The following ZFYVE9 variants were observed in gnomAD, a reference collection of about 807,000 sequenced individuals.
ZFYVE9 encodes the protein zinc finger FYVE domain-containing protein 9.
A neutral mutation model predicts 126.7 loss-of-function variants in ZFYVE9; 43 were observed. That is an observed-to-expected ratio of 0.34 (90% CI 0.27 to 0.44). The LOEUF is 0.44. ZFYVE9 is among the 20% of genes least tolerant of loss of function. The pLI, the probability that ZFYVE9 is intolerant of heterozygous loss-of-function variation, is 1.00. For missense variants in ZFYVE9, 1,476 were observed against 1,697.0 expected (o/e 0.87, Z 2.29); for synonymous variants, 521 against 597.4 (o/e 0.87, Z 1.87).
chr1:52,242,362 T>G (rs939250008), intron 4 of ZFYVE9, among the ~76,000 whole-genome samples: 8 of 152,160 alleles, frequency 5.3e-5, no homozygotes, highest in African/African-American at 1.7e-4. Flanking sequence ...ATGATTTCAT[T>G]TATGTCTTAT....
At chr1:52,316,967 G>C (rs570084936) in intron 13 of ZFYVE9, among the ~76,000 whole-genome samples, 1 of 152,154 alleles carries the variant, frequency 6.6e-6, no homozygotes, top group African/African-American at 2.4e-5. Context: ...ATAAATGTAA[G>C]ATGATTCAAA....
intron 4 of ZFYVE9, among the ~76,000 whole-genome samples, chr1:52,247,525 C>CT (rs774683097): frequency 1.3e-5 from 2 of 151,950 alleles, no homozygotes; most frequent in East Asian, 3.9e-4. Flanking sequence ...GAGACGGAGT[C>CT]TCGCTTCGTT....
chr1:52,301,273 T>C (rs1273940198), intron 12 of ZFYVE9, among the ~76,000 whole-genome samples: 1 of 150,630 alleles, frequency 6.6e-6, no homozygotes, highest in Non-Finnish European at 1.5e-5. Context: ...TTTCTTAACG[T>C]TGTTTTTCTT....
intron 16 of ZFYVE9, among the ~76,000 whole-genome samples, chr1:52,339,473 T>G (rs1003452705): frequency 2.6e-5 from 4 of 152,110 alleles, no homozygotes; most frequent in African/African-American, 9.7e-5. Context: ...GTGTTTTTAG[T>G]AGAGGTAGGG....
chr1:52,274,653 GAGAC>G, intron 8 of ZFYVE9, 69 bp downstream of exon 8: 1 of 1,444,968 alleles, frequency 6.9e-7, no homozygotes. Flanking sequence ...TTAAGGTAGA[GAGAC>G]AGAATTTGAG....
intron 1 of ZFYVE9, among the ~76,000 whole-genome samples, chr1:52,176,056 G>A (rs1234720837): frequency 6.6e-6 from 1 of 152,202 alleles, no homozygotes. Context: ...CGTTCCTTTG[G>A]AGGAGGAGAG....
chr1:52,340,601 C>T (rs1019075892), intron 17 of ZFYVE9, among the ~76,000 whole-genome samples: 2 of 152,074 alleles, frequency 1.3e-5, no homozygotes, highest in Non-Finnish European at 2.9e-5. Flanking sequence ...ATACTTATTT[C>T]ACTAATAAGA....
chr1:52,296,285 G>T (rs560740577), intron 12 of ZFYVE9, among the ~76,000 whole-genome samples: 1 of 152,024 alleles, frequency 6.6e-6, no homozygotes, highest in African/African-American at 2.4e-5. Context: ...CAGAATTATT[G>T]TGAGGACTAG....
At chr1:52,173,816 G>T (rs1460087505) in intron 1 of ZFYVE9, among the ~76,000 whole-genome samples, 1 of 152,120 alleles carries the variant, frequency 6.6e-6, no homozygotes, top group South Asian at 2.1e-4. Context: ...TTCTCTGATG[G>T]TAGTTTGTAT....
At chr1:52,179,761 AAG>A (rs1488758089) in intron 1 of ZFYVE9, 1 of 435,302 alleles carries the variant, frequency 2.3e-6, no homozygotes, top group Non-Finnish European at 4.2e-6. Context: ...AGTTTTAAAA[AAG>A]AGTGTTCCTG....
At chr1:52,321,269 G>A (rs1167409617) in intron 13 of ZFYVE9, among the ~76,000 whole-genome samples, 4 of 152,132 alleles carry the variant, frequency 2.6e-5, no homozygotes, top group Non-Finnish European at 5.9e-5. Flanking sequence ...TAGCACTGGC[G>A]AGAACAGATG....
intron 2 of ZFYVE9, among the ~76,000 whole-genome samples, chr1:52,225,494 C>T (rs560157374): frequency 1.3e-5 from 2 of 152,272 alleles, no homozygotes; most frequent in South Asian, 2.1e-4. Context: ...GCACACCAAA[C>T]GAAGGAAGGG....
intron 4 of ZFYVE9, among the ~76,000 whole-genome samples, chr1:52,257,711 C>G (rs1041542610): frequency 6.6e-6 from 1 of 152,164 alleles, no homozygotes; most frequent in Non-Finnish European, 1.5e-5. Flanking sequence ...GTTTGTTTCT[C>G]CATTCATACA....
At chr1:52,167,492 G>C (rs912040325) in intron 1 of ZFYVE9, among the ~76,000 whole-genome samples, 8 of 151,920 alleles carry the variant, frequency 5.3e-5, no homozygotes, top group Non-Finnish European at 5.9e-5. Flanking sequence ...ATGAATCCTC[G>C]CCTTGGTAAT....
chr1:52,328,819 C>T (rs1219908246), intron 13 of ZFYVE9, among the ~76,000 whole-genome samples: 1 of 152,112 alleles, frequency 6.6e-6, no homozygotes, highest in Non-Finnish European at 1.5e-5. Context: ...TTCAAAGTAA[C>T]CTTTGGAAAA....
In ZFYVE9 at chr1:52,151,111, A is replaced by C. The variant is rs377467401; in HGVS notation, c.-143+8708A>C. Among the ~76,000 whole-genome samples, 105 of 152,128 alleles carry C rather than the reference A, an allele frequency of 6.9e-4. 1 individual carries two copies. In the South Asian group the frequency reaches 0.022, roughly 32 times the overall value. On this transcript the variant is annotated intron_variant, in intron 1 of 18. Transcript: ENST00000287727. ...CAAGGTTGAGATTCTTTAACCTGGC[A>C]TACAGCCTTCATGATTTGGTTCCAA... is the stretch of plus-strand genomic sequence containing the variant.
rs531858922 is a variant in ZFYVE9 at position 52,344,033 on chromosome 1, C to G, written c.3940-735C>G. Among the ~76,000 whole-genome samples the G allele has an allele frequency of 2.0e-5, 3 of 151,142 alleles. No homozygotes were observed. The South Asian group carries it at 6.3e-4, about 32-fold the overall frequency. ...GTTGCAGTGGGCAGAGGTCATGCCACTGCACTCCAGCCTGGTGACAGAGTG... is the reference window on the plus strand; with the variant it reads ...GTTGCAGTGGGCAGAGGTCATGCCAGTGCACTCCAGCCTGGTGACAGAGTG... On this transcript the variant is annotated intron_variant, in intron 17 of 18. Transcript: ENST00000287727.
intron 10 of ZFYVE9, among the ~76,000 whole-genome samples, chr1:52,283,963 G>A (rs1645829308): frequency 6.6e-6 from 1 of 152,122 alleles, no homozygotes; most frequent in Non-Finnish European, 1.5e-5. Flanking sequence ...AAATAAAGAA[G>A]AGTATTGGAG....
intron 1 of ZFYVE9, among the ~76,000 whole-genome samples, chr1:52,161,153 A>G (rs1016756226): frequency 6.6e-6 from 1 of 152,318 alleles, no homozygotes; most frequent in Middle Eastern, 3.4e-3. Flanking sequence ...TCCAATACCA[A>G]AATTTCTAAC....
Sources: gnomAD v4.1 joint callset for allele counts (sites outside exome capture counted in the v4.1 genomes callset) on GRCh38, gnomAD v4.1.1 for gene constraint, MANE v1.5 for transcripts, NCBI Gene and HGNC (gene_info 2026-07-23, HGNC 2026-07-21) for gene names.